LAMA2: variants seen among roughly 807,000 people sequenced by gnomAD.
LAMA2 encodes the protein laminin subunit alpha 2.
In LAMA2, 269 loss-of-function variants were observed where a neutral mutation model predicts 364.8. The ratio of observed to expected loss-of-function variants is 0.74; its 90% CI spans 0.67 to 0.82. LAMA2 has a LOEUF of 0.82. Among genes scored for constraint, LAMA2 ranks in the 40% least tolerant of loss-of-function variants. LAMA2 has a pLI of 0.00. For synonymous variants in LAMA2, 1,379 were observed against 1,370.6 expected, an observed-to-expected ratio of 1.01 and a Z score of -0.14; for missense variants, 3,807 against 3,873.2, an observed-to-expected ratio of 0.98 and a Z score of 0.45.
intron 1 of LAMA2, among the ~76,000 whole-genome samples, chr6:129,038,967 T>A (rs1786879457): frequency 3.3e-5 from 5 of 152,210 alleles, no homozygotes; most frequent in Admixed American, 2.6e-4. Context: ...AAAGGTCTGA[T>A]TAGTTTAATG....
chr6:129,402,789 C>A (rs1780054052), intron 39 of LAMA2, among the ~76,000 whole-genome samples: 1 of 152,106 alleles, frequency 6.6e-6, no homozygotes, highest in South Asian at 2.1e-4. Flanking sequence ...CAGTGGTTGC[C>A]TTATTAGCAT....
rs74541611 is a variant in LAMA2, at chr6:129,481,519, C to T, written c.7749+80C>T. On this transcript the variant is annotated intron_variant, in intron 55 of 64. Transcript: ENST00000421865. ...TAACTTACTTTTGTATTTTTAGTTT[C>T]GTATCATTTATTTCTGCTCTCATCT... 1,285 of 1,184,088 alleles carry T rather than the reference C, an allele frequency of 1.1e-3. 8 individuals are homozygous for T. The Middle Eastern group carries it at 0.011, about 10-fold the overall frequency. 73.3% of individuals were successfully genotyped at this position (1,184,088 alleles called of 1,614,324 possible).
chr6:129,252,792 C>T (rs1786362289), intron 14 of LAMA2, among the ~76,000 whole-genome samples: 1 of 152,136 alleles, frequency 6.6e-6, no homozygotes, highest in Non-Finnish European at 1.5e-5. Context: ...AAGACTATAA[C>T]AGCCATATGG....
In LAMA2 at chr6:129,297,625, C is replaced by T. The variant is rs1773270995; in HGVS notation, c.2857-60C>T. 2.7e-6 allele frequency: 4 copies of T among 1,505,818 alleles called. No homozygotes were observed. In the South Asian group the frequency reaches 4.6e-5, roughly 17 times the overall value. The allele number at this position is 1,505,818 out of a possible 1,614,324, so 93.3% of individuals were successfully genotyped here. A position where few individuals can be genotyped will look rare whatever the true frequency, so the allele number is the denominator to read the frequency against. ...CCACCTGATCTTTGGTATTGTGCAT[C>T]TTGCTTCACTTCGAGTTAACTGATT... is the stretch of plus-strand genomic sequence containing the variant. On this transcript the variant is annotated intron_variant, in intron 20 of 64. Coordinates refer to ENST00000421865, the MANE Select transcript of LAMA2 (RefSeq NM_000426.4).
chr6:128,961,980 G>A (rs1488475800), intron 1 of LAMA2, among the ~76,000 whole-genome samples: 1 of 150,920 alleles, frequency 6.6e-6, no homozygotes, highest in African/African-American at 2.4e-5. Flanking sequence ...GGGATCAGCA[G>A]CTCAAATAAC....
intron 12 of LAMA2, among the ~76,000 whole-genome samples, chr6:129,227,193 AG>A (rs2115116292): frequency 6.6e-6 from 1 of 152,228 alleles, no homozygotes; most frequent in South Asian, 2.1e-4. Flanking sequence ...AGGTCATTTA[AG>A]GACTTCTCTA....
chr6:128,942,781 A>G (rs1309874870), intron 1 of LAMA2, among the ~76,000 whole-genome samples: 3 of 152,228 alleles, frequency 2.0e-5, no homozygotes. Context: ...GAAGTTATCA[A>G]TTCCATTGGT....
intron 30 of LAMA2, among the ~76,000 whole-genome samples, chr6:129,347,184 T>C (rs962782348): frequency 5.3e-5 from 8 of 152,116 alleles, no homozygotes; most frequent in African/African-American, 1.9e-4. Flanking sequence ...CAGCAGCATT[T>C]GCAGATAGGA....
chr6:129,343,449 T>C (rs1040583804), intron 30 of LAMA2, among the ~76,000 whole-genome samples: 1 of 152,112 alleles, frequency 6.6e-6, no homozygotes, highest in East Asian at 1.9e-4. Context: ...TTTTACAGGG[T>C]GTCAAATGTC....
chr6:128,984,661 T>A (rs917170512), intron 1 of LAMA2, among the ~76,000 whole-genome samples: 1 of 144,916 alleles, frequency 6.9e-6, no homozygotes, highest in African/African-American at 2.9e-5. Flanking sequence ...AATGATTTTT[T>A]TTTTTTTTTG....
At chr6:129,107,498 C>CA (rs1164123603) in intron 4 of LAMA2, among the ~76,000 whole-genome samples, 1 of 151,894 alleles carries the variant, frequency 6.6e-6, no homozygotes, top group Non-Finnish European at 1.5e-5. Context: ...ATAAGCAAAG[C>CA]AAAAAACCAC....
chr6:129,424,136 A>G (rs1781210729), intron 40 of LAMA2, among the ~76,000 whole-genome samples: 1 of 152,066 alleles, frequency 6.6e-6, no homozygotes, highest in Admixed American at 6.6e-5. Context: ...ATATTTAACA[A>G]ATTCTACTAG....
intron 1 of LAMA2, among the ~76,000 whole-genome samples, chr6:128,984,242 C>T (rs559757794): frequency 2.0e-3 from 305 of 152,254 alleles, no homozygotes; most frequent in African/African-American, 7.0e-3. Flanking sequence ...TGGTATAATT[C>T]AGAACTACTA....
intron 1 of LAMA2, among the ~76,000 whole-genome samples, chr6:128,995,150 TTATCA>T (rs1033093833): frequency 2.6e-5 from 4 of 152,336 alleles, no homozygotes; most frequent in African/African-American, 7.2e-5. Flanking sequence ...ATCACAGTAC[TTATCA>T]TATGATATTC....
chr6:129,397,938 GAAAAAAAAAA>G (rs58131786), intron 37 of LAMA2, among the ~76,000 whole-genome samples: 6 of 103,508 alleles, frequency 5.8e-5, no homozygotes, highest in African/African-American at 1.6e-4. Context: ...CTCCGTCTCA[GAAAAAAAAAA>G]AAAAAAAAAA....
chr6:128,899,007 A>G (rs1395580017), intron 1 of LAMA2, among the ~76,000 whole-genome samples: 1 of 152,134 alleles, frequency 6.6e-6, no homozygotes, highest in African/African-American at 2.4e-5. Flanking sequence ...ACCACTTTAA[A>G]TTAGCTTCTG....
chr6:129,486,580 A>C lies in LAMA2; in HGVS notation c.7856A>C (p.His2619Pro). ...ATCAGACCAGAGCCGAATCTGTTTC[A>C]TGATGGAAGAGAACATTCCGTTCAT... ...IVIRPEPNLFHDGREHSVHVE... is the reference protein window; with the variant it reads ...IVIRPEPNLFPDGREHSVHVE... Residue 2619 changes from histidine to proline, a missense_variant, in exon 56 of 65, where the codon CAT becomes CCT. His to Pro is a moderately conservative substitution (Grantham distance 77). Around this residue, in one of 3 missense-constraint regions of LAMA2, gnomAD observed 3,333 missense variants for 3,345.7 expected, o/e 1.00. Transcript: ENST00000421865. The C allele has an allele frequency of 6.2e-7, 1 of 1,614,000 alleles. No homozygotes were observed. Among genetic ancestry groups the C allele is most frequent in the African/African-American group, 1.3e-5 (1 of 75,064 alleles).
intron 17 of LAMA2, among the ~76,000 whole-genome samples, chr6:129,275,437 A>G (rs1037857015): frequency 6.6e-6 from 1 of 152,042 alleles, no homozygotes; most frequent in East Asian, 1.9e-4. Context: ...TGCTTCTTCC[A>G]ATGGGGCTAC....
chr6:129,271,269 G>A (rs201982350), intron 17 of LAMA2, among the ~76,000 whole-genome samples: 1 of 151,658 alleles, frequency 6.6e-6, no homozygotes, highest in East Asian at 1.9e-4. Flanking sequence ...TGTTCACCTA[G>A]AACAACCACC....
Sources: allele counts gnomAD v4.1 joint callset (sites outside exome capture counted in the v4.1 genomes callset), GRCh38; gene constraint gnomAD v4.1.1; regional missense constraint gnomAD v4.1.1; transcripts MANE v1.5; gene names NCBI Gene and HGNC (gene_info 2026-07-23, HGNC 2026-07-21).